Variants in PFKFB3 observed in about 807,000 individuals in gnomAD.
The protein encoded by PFKFB3 is 6-phosphofructo-2-kinase/fructose-2,6-bisphosphatase 3.
In PFKFB3, 33 loss-of-function variants were observed where a neutral mutation model predicts 68.0. The observed-to-expected ratio is 0.49, with a 90% CI of 0.37 to 0.65. The LOEUF (loss-of-function observed/expected upper bound fraction) is 0.65. Among genes scored for constraint, PFKFB3 ranks in the 30% least tolerant of loss-of-function variants. PFKFB3 has a pLI of 0.00. For synonymous variants in PFKFB3, 315 were observed against 288.2 expected, an observed-to-expected ratio of 1.09 and a Z score of -0.94; for missense variants, 586 against 712.2, an observed-to-expected ratio of 0.82 and a Z score of 2.02.
rs118117406 is a variant in PFKFB3 at position 6,146,190 on chromosome 10, T to G, written c.16+1177T>G. The stretch of plus-strand genomic sequence containing the variant: ...GGCACTGGGCCTGTGCTGTGCCGTC[T>G]CTCCCTTCCCGCACCCACCCATCTG... On this transcript the variant is annotated intron_variant, in intron 1 of 14. Transcript: ENST00000379789. 6.8e-3 allele frequency: 9,599 copies of G among 1,406,608 alleles called. 58 individuals are homozygous for G. The highest frequency in any genetic ancestry group is 0.022 in the Middle Eastern group (83 of 3,774). 87.1% of individuals were successfully genotyped at this position (1,406,608 alleles called of 1,614,324 possible).
At chr10:6,231,474 C>T in intron 14 of PFKFB3, 1 of 985,238 alleles carries the variant, frequency 1.0e-6, no homozygotes, top group Non-Finnish European at 1.2e-6. Flanking sequence ...CTGTCTCTCA[C>T]CCCCCACGTG....
At chr10:6,232,747 G>T (rs1323638070) in intron 14 of PFKFB3, 148 bp from the exon 15 acceptor site, 1 of 683,334 alleles carries the variant, frequency 1.5e-6, no homozygotes, top group Non-Finnish European at 2.6e-6. Flanking sequence ...CGCCTGTGAG[G>T]TTGGCAGCAC....
rs1355258013 is a variant in PFKFB3, at chr10:6,235,079, T to TC, written c.*2139dup. The TC allele has an allele frequency of 6.5e-6, 1 of 152,736 alleles. No individual in the cohort carries two copies. Among genetic ancestry groups the TC allele is most frequent in the Non-Finnish European group, 1.5e-5 (1 of 68,032 alleles). The allele number at this position is 152,736 out of a possible 1,614,324, so 9.5% of individuals were successfully genotyped here. A position where few individuals can be genotyped will look rare whatever the true frequency, so the allele number is the denominator to read the frequency against. ...TGAACTTTTGGCGTCTACTGATTCC[T>TC]CCAACTCTCCACCCCACAAAATAAC... On this transcript the variant is annotated 3_prime_UTR_variant, in exon 15 of 15. Transcript: ENST00000379775.
At chr10:6,308,811 C>G in the PFKFB3 span, among the ~76,000 whole-genome samples, 1 of 152,188 alleles carries the variant, frequency 6.6e-6, no homozygotes, top group African/African-American at 2.4e-5. Flanking sequence ...GTAAATCTTT[C>G]TTGTTTCTGG....
intron 1 of PFKFB3, among the ~76,000 whole-genome samples, chr10:6,206,282 C>T (rs1364162463): frequency 6.9e-6 from 1 of 144,458 alleles, no homozygotes; most frequent in African/African-American, 2.6e-5. Context: ...GGTCATAGAT[C>T]AACAGGATCC....
the PFKFB3 span, among the ~76,000 whole-genome samples, chr10:6,262,039 A>G: frequency 6.6e-6 from 1 of 151,274 alleles, no homozygotes; most frequent in African/African-American, 2.4e-5. Context: ...AACACAAAAA[A>G]CTCTTAGATA....
the PFKFB3 span, among the ~76,000 whole-genome samples, chr10:6,274,777 A>G: frequency 1.4e-3 from 217 of 152,006 alleles, no homozygotes; most frequent in Middle Eastern, 0.027. Context: ...TCGAGGTTGC[A>G]GTGAGCTGTG....
intron 14 of PFKFB3, among the ~76,000 whole-genome samples, chr10:6,230,962 C>T (rs1294699369): frequency 2.0e-5 from 3 of 152,048 alleles, no homozygotes; most frequent in Non-Finnish European, 2.9e-5. Flanking sequence ...GTGATCCACC[C>T]GCCTTGGCCT....
the PFKFB3 span, among the ~76,000 whole-genome samples, chr10:6,300,599 T>A: frequency 6.6e-6 from 1 of 152,142 alleles, no homozygotes; most frequent in African/African-American, 2.4e-5. Context: ...GGAACAGCTG[T>A]GTATATTCTT....
the PFKFB3 span, among the ~76,000 whole-genome samples, chr10:6,268,816 G>A: frequency 2.6e-5 from 4 of 151,532 alleles, no homozygotes; most frequent in South Asian, 2.1e-4. Flanking sequence ...GAGCCCAGGA[G>A]TTCGAGACCA....
downstream of PFKFB3, among the ~76,000 whole-genome samples, chr10:6,256,334 G>C (rs908079946): frequency 1.3e-5 from 2 of 152,174 alleles, no homozygotes; most frequent in South Asian, 4.1e-4. Context: ...CAAGGACTTG[G>C]GGGGTGTAGG....
At chr10:6,177,074 T>C (rs12777632) in intron 1 of PFKFB3, among the ~76,000 whole-genome samples, 35,674 of 152,168 alleles carry the variant, frequency 0.23, 4,377 homozygotes, top group African/African-American at 0.26. Flanking sequence ...TCTCAGATCC[T>C]GTGGCTTCAA....
rs775179934 is a variant in PFKFB3 at position 6,216,397 on chromosome 10, G to A, written c.366+206G>A. On this transcript the variant is annotated intron_variant, in intron 4 of 14. Transcript: ENST00000379775. ...GTGGCCAGTCCCACACCTCCAGGGC[G>A]GGCAGGACTCGAGTTACCCACAGGA... Among the ~76,000 whole-genome samples, 29 of 152,164 alleles carry A rather than the reference G, an allele frequency of 1.9e-4. 1 individual carries two copies. The highest frequency in any genetic ancestry group is 3.4e-4 in the Non-Finnish European group (23 of 68,032).
chr10:6,265,913 T>C, the PFKFB3 span, among the ~76,000 whole-genome samples: 6 of 152,032 alleles, frequency 3.9e-5, no homozygotes, highest in Admixed American at 2.6e-4. Flanking sequence ...TTTCTATTTA[T>C]TATTATCATT....
the PFKFB3 span, chr10:6,326,511 T>G: frequency 6.6e-6 from 3 of 454,464 alleles, no homozygotes; most frequent in Non-Finnish European, 4.4e-6. Flanking sequence ...ACTGCACATT[T>G]GGAACTGTGC....
chr10:6,210,425 A>G (rs1261618708), intron 1 of PFKFB3, among the ~76,000 whole-genome samples: 1 of 94,190 alleles, frequency 1.1e-5, no homozygotes, highest in Non-Finnish European at 2.5e-5. Context: ...CAGTGGCGCT[A>G]TCTCGGCTCA....
downstream of PFKFB3, among the ~76,000 whole-genome samples, chr10:6,238,118 C>A (rs1477213096): frequency 1.3e-5 from 2 of 151,704 alleles, no homozygotes; most frequent in Non-Finnish European, 2.9e-5. Flanking sequence ...CTAAAGAGGA[C>A]CCCTGGCGCA....
rs1564623195 is a variant in PFKFB3 at position 6,210,351 on chromosome 10, TTTTTG to T, written c.77-3267_77-3263del. Among the ~76,000 whole-genome samples the T allele has an allele frequency of 2.3e-4, 3 of 12,928 alleles. 1 individual carries two copies. The highest frequency in any genetic ancestry group is 7.6e-3 in the East Asian group (1 of 132). 8.5% of individuals were successfully genotyped at this position (12,928 alleles called of 152,430 possible). ...CCCTCTCTTTGTTTTTTTTTGTTTT[TTTTTG>T]TTTTTTTGTTTTTTTTTTTTTTGAG... On this transcript the variant is annotated intron_variant, in intron 1 of 14. Transcript: ENST00000379775.
chr10:6,299,913 T>A, the PFKFB3 span, among the ~76,000 whole-genome samples: 3 of 151,474 alleles, frequency 2.0e-5, no homozygotes, highest in South Asian at 2.1e-4. Flanking sequence ...AGGCGTCGAT[T>A]TGGACTTTCC....
Sources: allele counts gnomAD v4.1 joint callset (sites outside exome capture counted in the v4.1 genomes callset), GRCh38; gene constraint gnomAD v4.1.1; transcripts MANE v1.5; gene names NCBI Gene and HGNC (gene_info 2026-07-23, HGNC 2026-07-21).